Variants in IMMP2L observed in about 807,000 individuals in gnomAD.
IMMP2L encodes the protein inner mitochondrial membrane peptidase subunit 2.
In IMMP2L, 18 loss-of-function variants were observed where a neutral mutation model predicts 19.3. The observed-to-expected ratio is 0.93, with a 90% CI of 0.64 to 1.38. The LOEUF (loss-of-function observed/expected upper bound fraction) is 1.38. Ranked by LOEUF, IMMP2L falls within the 40% of genes most tolerant of loss-of-function variation. IMMP2L has a pLI of 0.00. For missense variants in IMMP2L, 233 were observed against 218.2 expected (o/e 1.07, Z -0.43); for synonymous variants, 76 against 73.0 (o/e 1.04, Z -0.21).
intron 3 of IMMP2L, among the ~76,000 whole-genome samples, chr7:111,114,744 AAAAAAAAAAGAAAGAAAG>A (rs2129584996): frequency 6.6e-6 from 1 of 152,006 alleles, no homozygotes; most frequent in South Asian, 2.1e-4. Flanking sequence ...ATCTCAAAAA[AAAAAAAAAAGAAAGAAAG>A]AAAAAAAAAG....
intron 3 of IMMP2L, among the ~76,000 whole-genome samples, chr7:111,442,146 AG>A (rs1014954604): frequency 6.6e-6 from 1 of 151,778 alleles, no homozygotes; most frequent in African/African-American, 2.4e-5. Context: ...CAAAAAAAAA[AG>A]CTCTGCAGGT....
At chr7:111,432,782 C>G (rs553051148) in intron 3 of IMMP2L, among the ~76,000 whole-genome samples, 2 of 151,224 alleles carry the variant, frequency 1.3e-5, no homozygotes, top group African/African-American at 4.9e-5. Context: ...ATGATAAGAT[C>G]TAGTATCTAG....
intron 3 of IMMP2L, among the ~76,000 whole-genome samples, chr7:111,280,154 G>A (rs180722739): frequency 2.0e-5 from 3 of 152,172 alleles, no homozygotes; most frequent in Admixed American, 6.5e-5. Flanking sequence ...CTTTCCCTTC[G>A]ACATCGTCTC....
chr7:111,471,824 TATC>T (rs1471416429), intron 3 of IMMP2L, among the ~76,000 whole-genome samples: 1 of 152,040 alleles, frequency 6.6e-6, no homozygotes, highest in Non-Finnish European at 1.5e-5. Flanking sequence ...CCTATATATA[TATC>T]ATATTAGTGT....
At chr7:110,696,441 T>TTTC in intron 5 of IMMP2L, among the ~76,000 whole-genome samples, 1 of 150,212 alleles carries the variant, frequency 6.7e-6, no homozygotes, top group East Asian at 2.0e-4. Context: ...TTTTTTTTTT[T>TTTC]TTTGAGACAG....
At chr7:110,949,950 T>TA (rs1258559791) in intron 4 of IMMP2L, among the ~76,000 whole-genome samples, 1 of 152,098 alleles carries the variant, frequency 6.6e-6, no homozygotes, top group African/African-American at 2.4e-5. Context: ...GAATCTAAAA[T>TA]AAAAATTTTT....
chr7:111,508,386 A>C (rs1845131995), intron 2 of IMMP2L, among the ~76,000 whole-genome samples: 1 of 152,216 alleles, frequency 6.6e-6, no homozygotes, highest in Non-Finnish European at 1.5e-5. Flanking sequence ...TAATTATAAA[A>C]TGATATACCC....
chr7:111,503,553 T>C (rs1010843741), intron 2 of IMMP2L, among the ~76,000 whole-genome samples: 3 of 152,142 alleles, frequency 2.0e-5, no homozygotes, highest in African/African-American at 4.8e-5. Context: ...TTGATGAACA[T>C]TGATGCAAAA....
intron 3 of IMMP2L, among the ~76,000 whole-genome samples, chr7:111,253,562 G>C (rs934056021): frequency 6.6e-6 from 1 of 152,144 alleles, no homozygotes; most frequent in Admixed American, 6.6e-5. Flanking sequence ...TCTTGAGAGG[G>C]AGGCAAGGCT....
intron 5 of IMMP2L, among the ~76,000 whole-genome samples, chr7:110,741,529 G>A (rs1335130229): frequency 2.0e-5 from 3 of 152,138 alleles, no homozygotes; most frequent in African/African-American, 7.2e-5. Context: ...CAGCAAGAAG[G>A]CACCATCTTT....
intron 3 of IMMP2L, among the ~76,000 whole-genome samples, chr7:111,052,131 A>G (rs1050107638): frequency 1.2e-4 from 19 of 152,246 alleles, no homozygotes; most frequent in Non-Finnish European, 1.3e-4. Flanking sequence ...GAAAGGAATC[A>G]AAGTATTTTA....
chr7:111,096,592 T>G (rs552873371), intron 3 of IMMP2L, among the ~76,000 whole-genome samples: 1 of 151,354 alleles, frequency 6.6e-6, no homozygotes, highest in Admixed American at 6.6e-5. Flanking sequence ...TACTCATCCA[T>G]ATGTTTGTCT....
At chr7:110,720,474 G>A (rs1302949337) in intron 5 of IMMP2L, among the ~76,000 whole-genome samples, 1 of 152,130 alleles carries the variant, frequency 6.6e-6, no homozygotes. Context: ...ACCACCCCAG[G>A]GGAATATTGT....
At chr7:111,214,504 GTT>G (rs71151836) in intron 3 of IMMP2L, among the ~76,000 whole-genome samples, 10,117 of 96,400 alleles carry the variant, frequency 0.1, 514 homozygotes, top group African/African-American at 0.21. Flanking sequence ...CACCAAATCT[GTT>G]TTTTTTTTTT....
intron 3 of IMMP2L, among the ~76,000 whole-genome samples, chr7:111,407,305 T>C (rs890367418): frequency 1.3e-5 from 2 of 151,944 alleles, no homozygotes; most frequent in Non-Finnish European, 2.9e-5. Context: ...ATACCATACC[T>C]AGAAATCTGC....
At chr7:111,297,603 G>A (rs1354274932) in intron 3 of IMMP2L, among the ~76,000 whole-genome samples, 1 of 152,022 alleles carries the variant, frequency 6.6e-6, no homozygotes, top group Non-Finnish European at 1.5e-5. Flanking sequence ...ACAATGACTT[G>A]TGCATAAATG....
intron 4 of IMMP2L, among the ~76,000 whole-genome samples, chr7:110,888,747 C>T (rs1365398409): frequency 2.0e-5 from 3 of 152,090 alleles, no homozygotes; most frequent in African/African-American, 7.2e-5. Context: ...GCTTACAGTG[C>T]TTTATTTTTC....
At chr7:111,481,474 C>G (rs890267035) in intron 3 of IMMP2L, among the ~76,000 whole-genome samples, 20 of 152,056 alleles carry the variant, frequency 1.3e-4, no homozygotes, top group South Asian at 2.1e-4. Context: ...TCTATAAAAC[C>G]GGGGATAACA....
At chr7:110,707,013 T>TTA (rs1794743922) in intron 5 of IMMP2L, among the ~76,000 whole-genome samples, 1 of 142,188 alleles carries the variant, frequency 7.0e-6, no homozygotes, top group Non-Finnish European at 1.5e-5. Context: ...AATTTTTTTT[T>TTA]TTTTATTATA....
Sources: gnomAD v4.1 joint callset for allele counts (sites outside exome capture counted in the v4.1 genomes callset) on GRCh38, gnomAD v4.1.1 for gene constraint, MANE v1.5 for transcripts, NCBI Gene and HGNC (gene_info 2026-07-23, HGNC 2026-07-21) for gene names.